The following PIEZO2 variants were observed in gnomAD, a reference collection of about 807,000 sequenced individuals.
The protein encoded by PIEZO2 is piezo-type mechanosensitive ion channel component 2.
A neutral mutation model predicts 337.3 loss-of-function variants in PIEZO2; 172 were observed. That is an observed-to-expected ratio of 0.51 (90% confidence interval 0.45 to 0.58). PIEZO2 has a LOEUF of 0.58. PIEZO2 is among the 20% of genes least tolerant of loss of function. The pLI, the probability that PIEZO2 is intolerant of heterozygous loss-of-function variation, is 0.00. For missense variants in PIEZO2, 3,028 were observed against 3,391.3 expected (o/e 0.89, Z 2.66); for synonymous variants, 1,251 against 1,228.5 (o/e 1.02, Z -0.38).
intron 51 of PIEZO2, among the ~76,000 whole-genome samples, chr18:10,680,947 C>T (rs1359567314): frequency 6.6e-6 from 1 of 152,136 alleles, no homozygotes; most frequent in African/African-American, 2.4e-5. Flanking sequence ...AGAATAACAT[C>T]AGCCACCCTT....
chr18:10,991,215 TACACAC>T (rs573598542), intron 2 of PIEZO2, among the ~76,000 whole-genome samples: 1 of 147,672 alleles, frequency 6.8e-6, no homozygotes, highest in African/African-American at 2.5e-5. Context: ...CATATATATA[TACACAC>T]ACACACACAC....
chr18:10,715,594 T>C (rs570447148), intron 38 of PIEZO2, 56 bp downstream of exon 38: 15 of 1,431,168 alleles, frequency 1.0e-5, no homozygotes, highest in Middle Eastern at 3.6e-4. Context: ...GGACATTGAC[T>C]TTTAATGTCT....
rs1260773098 is a variant in PIEZO2 at position 11,032,134 on chromosome 18, C to A, written c.160+33993G>T. On this transcript the variant is annotated intron_variant, in intron 2 of 55. Transcript: ENST00000674853. The surrounding 1 kb of genome is among the most constrained non-coding windows in gnomAD (Gnocchi z 4.9). ...CAATCATGCTATTTGAATTGAGTAA[C>A]AAACTATGAAGTGAAATTCTGCTGA... 6.6e-6 allele frequency among the ~76,000 whole-genome samples: 1 copy of A among 152,184 alleles called. No individual in the cohort carries two copies. The highest frequency in any genetic ancestry group is 1.5e-5 in the Non-Finnish European group (1 of 68,030).
chr18:11,066,903 T>A (rs1201655458), intron 1 of PIEZO2, among the ~76,000 whole-genome samples: 1 of 152,238 alleles, frequency 6.6e-6, no homozygotes, highest in Non-Finnish European at 1.5e-5. Context: ...TCTGGCCTAG[T>A]GCAGACTTTT....
At chr18:10,989,295 A>G (rs572347050) in intron 2 of PIEZO2, among the ~76,000 whole-genome samples, 26 of 152,266 alleles carry the variant, frequency 1.7e-4, no homozygotes, top group African/African-American at 5.5e-4. Context: ...TAGGCTATCT[A>G]GAAGACAAAC....
At chr18:10,996,104 T>C (rs991981271) in intron 2 of PIEZO2, among the ~76,000 whole-genome samples, 1 of 152,196 alleles carries the variant, frequency 6.6e-6, no homozygotes, top group Non-Finnish European at 1.5e-5. Context: ...TAAAATTGAA[T>C]TTTATTAGCC....
intron 2 of PIEZO2, among the ~76,000 whole-genome samples, chr18:10,983,451 T>G (rs1464746009): frequency 2.0e-5 from 3 of 152,120 alleles, no homozygotes; most frequent in Admixed American, 6.6e-5. Flanking sequence ...CTAGGGAAAG[T>G]GAGTGATGTG....
chr18:10,787,409 C>A (rs570313407), intron 15 of PIEZO2, among the ~76,000 whole-genome samples: 1 of 152,264 alleles, frequency 6.6e-6, no homozygotes, highest in South Asian at 2.1e-4. Context: ...GGGGAAGAGG[C>A]TGAACCTTCC....
intron 2 of PIEZO2, among the ~76,000 whole-genome samples, chr18:11,010,267 G>A (rs963919615): frequency 2.0e-5 from 3 of 152,268 alleles, no homozygotes; most frequent in African/African-American, 4.8e-5. Context: ...AGCCCTTAAA[G>A]CATAATCACT....
chr18:10,672,154 G>C lies in PIEZO2; in HGVS notation c.8346-375C>G, dbSNP rs2033807455. Among the ~76,000 whole-genome samples the C allele has an allele frequency of 1.3e-5, 2 of 152,024 alleles. No individual in the cohort carries two copies. Among genetic ancestry groups the C allele is most frequent in the African/African-American group, 2.4e-5 (1 of 41,382 alleles). ...AATTATATATGATTTTCTGTGGCAG[G>C]CTCCTTTCCTTTTAGCAATACTGTC... On this transcript the variant is annotated intron_variant, in intron 55 of 55. Coordinates refer to ENST00000674853, the MANE Select transcript of PIEZO2 (RefSeq NM_001378183.1). The surrounding 1 kb of genome is among the most constrained non-coding windows in gnomAD (Gnocchi z 4.7).
At chr18:10,675,057 C>CTAG in intron 54 of PIEZO2, 152 bp downstream of exon 54, 1 of 481,002 alleles carries the variant, frequency 2.1e-6, no homozygotes, top group South Asian at 3.1e-5. Context: ...CTCCTTTGGG[C>CTAG]TAGTGAAGGC....
rs2034318036 is a variant in PIEZO2, at chr18:10,973,383, T to G, written c.286+6152A>C. On this transcript the variant is annotated intron_variant, in intron 3 of 55. Coordinates refer to ENST00000674853, the MANE Select transcript of PIEZO2 (RefSeq NM_001378183.1). This position sits in a 1 kb window ranked among gnomAD's most constrained non-coding sequence, Gnocchi z 4.9. ...GAATCTACTGATCATAAATGTGTCT[T>G]TGCTCACTATGGAGAGCAGCAGTCT... 6.6e-6 allele frequency among the ~76,000 whole-genome samples: 1 copy of G among 152,236 alleles called. No homozygotes were observed. Among genetic ancestry groups the G allele is most frequent in the Non-Finnish European group, 1.5e-5 (1 of 68,040 alleles).
chr18:10,806,219 G>A (rs2144320213), intron 8 of PIEZO2, among the ~76,000 whole-genome samples: 1 of 152,284 alleles, frequency 6.6e-6, no homozygotes, highest in South Asian at 2.1e-4. Context: ...CTCAGGCTGG[G>A]CCATGCTCAT....
chr18:10,855,960 C>A lies in PIEZO2; in HGVS notation c.704-394G>T, dbSNP rs1197287589. Among the ~76,000 whole-genome samples, 3 of 151,586 alleles carry A rather than the reference C, an allele frequency of 2.0e-5. No homozygotes were observed. The highest frequency in any genetic ancestry group is 4.4e-5 in the Non-Finnish European group (3 of 67,946). On this transcript the variant is annotated intron_variant, in intron 6 of 55. Transcript: ENST00000674853. The surrounding 1 kb of genome is among the most constrained non-coding windows in gnomAD (Gnocchi z 4.9). Reference sequence around the variant, plus strand: ...TTCCAACCTTTCCTGACACCATTTTCTTTATAATAATTTACTACTTTTTTT... The same window carrying A: ...TTCCAACCTTTCCTGACACCATTTTATTTATAATAATTTACTACTTTTTTT...
intron 36 of PIEZO2, among the ~76,000 whole-genome samples, 168 bp from the exon 37 acceptor site, chr18:10,718,427 C>A (rs1172816728): frequency 6.6e-6 from 1 of 152,236 alleles, no homozygotes; most frequent in Non-Finnish European, 1.5e-5. Flanking sequence ...GATTATTTTA[C>A]TCCATGCCAG....
intron 27 of PIEZO2, among the ~76,000 whole-genome samples, chr18:10,754,933 G>A (rs998287672): frequency 3.9e-5 from 6 of 152,090 alleles, no homozygotes; most frequent in Admixed American, 1.3e-4. Context: ...AGGGATAACC[G>A]CATGACCTCC....
intron 1 of PIEZO2, among the ~76,000 whole-genome samples, chr18:11,136,666 T>C (rs1449922361): frequency 2.0e-5 from 3 of 152,096 alleles, no homozygotes; most frequent in African/African-American, 4.8e-5. Context: ...GGAGAGGGGG[T>C]TGAAGAACAG....
chr18:11,091,383 C>CAAAAAAAAAAAAAAAGAA (rs2039084915), intron 1 of PIEZO2, among the ~76,000 whole-genome samples: 1 of 77,854 alleles, frequency 1.3e-5, no homozygotes, highest in African/African-American at 4.2e-5. Flanking sequence ...GACTCCGTCT[C>CAAAAAAAAAAAAAAAGAA]AAAAAAAAAA....
Position 11,056,845 on chromosome 18 carries a change from T to C in PIEZO2, c.160+9282A>G, listed in dbSNP as rs144113177. ...TACCCACAAACCTAGGATAGATGCTTCCTCCAGTCATGCAACAGATCATAA... is the reference window on the plus strand; with the variant it reads ...TACCCACAAACCTAGGATAGATGCTCCCTCCAGTCATGCAACAGATCATAA... On this transcript the variant is annotated intron_variant, in intron 2 of 55. Coordinates refer to ENST00000674853, the MANE Select transcript of PIEZO2 (RefSeq NM_001378183.1). 7.1e-3 allele frequency among the ~76,000 whole-genome samples: 1,074 copies of C among 152,316 alleles called. 11 individuals carry two copies. The highest frequency in any genetic ancestry group is 0.025 in the African/African-American group (1,040 of 41,572).
Sources: gnomAD v4.1 joint callset for allele counts (sites outside exome capture counted in the v4.1 genomes callset) on GRCh38, gnomAD v4.1.1 for gene constraint, Gnocchi (gnomAD v3.1) non-coding constraint, MANE v1.5 for transcripts, NCBI Gene and HGNC (gene_info 2026-07-23, HGNC 2026-07-21) for gene names.